STAG1: variants seen among roughly 807,000 people sequenced by gnomAD.
The protein encoded by STAG1 is STAG1 cohesin complex component.
In STAG1, 26 loss-of-function variants were observed where a neutral mutation model predicts 170.9. The observed-to-expected ratio is 0.15, with a 90% CI of 0.11 to 0.21. The LOEUF is 0.21. Ranked by LOEUF, STAG1 falls within the 10% of genes least tolerant of loss-of-function variation. The pLI is 1.00. For missense variants in STAG1, 964 were observed against 1,509.5 expected (o/e 0.64, Z 5.99); for synonymous variants, 514 against 497.7 (o/e 1.03, Z -0.44).
intron 1 of STAG1, among the ~76,000 whole-genome samples, chr3:136,751,466 T>C (rs1029161977): frequency 2.0e-5 from 3 of 151,578 alleles, no homozygotes; most frequent in African/African-American, 7.3e-5. Context: ...ATTGGCCTCG[T>C]CTCTCAGGGG....
intron 5 of STAG1, among the ~76,000 whole-genome samples, chr3:136,555,458 C>G (rs1241058216): frequency 6.6e-6 from 1 of 151,946 alleles, no homozygotes; most frequent in Non-Finnish European, 1.5e-5. Context: ...CTAAGGCAAG[C>G]AGATCACTGG....
chr3:136,630,253 A>ATC (rs1324071211), intron 2 of STAG1, among the ~76,000 whole-genome samples: 1 of 152,108 alleles, frequency 6.6e-6, no homozygotes, highest in Non-Finnish European at 1.5e-5. Context: ...ACTCCAACAA[A>ATC]TCTAATGGGA....
chr3:136,613,138 C>T (rs1939386672), intron 3 of STAG1, among the ~76,000 whole-genome samples: 1 of 151,670 alleles, frequency 6.6e-6, no homozygotes, highest in South Asian at 2.1e-4. Context: ...CTGTCCCTTA[C>T]TAAAAATACA....
intron 22 of STAG1, among the ~76,000 whole-genome samples, chr3:136,378,174 G>A (rs1937712683): frequency 6.6e-6 from 1 of 152,092 alleles, no homozygotes; most frequent in East Asian, 1.9e-4. Flanking sequence ...AAATGTCAGG[G>A]GAAGAAAGAT....
At chr3:136,377,613 T>C (rs747666882) in intron 23 of STAG1, 47 bp downstream of exon 23, 5 of 1,456,504 alleles carry the variant, frequency 3.4e-6, no homozygotes, top group South Asian at 2.3e-5. Context: ...TGTTCATTAA[T>C]GTATTTGAGT....
chr3:136,569,155 C>G (rs962881176), intron 4 of STAG1, among the ~76,000 whole-genome samples: 10 of 151,828 alleles, frequency 6.6e-5, no homozygotes, highest in African/African-American at 2.4e-4. Context: ...AATATTCAAA[C>G]CATATTAAGA....
intron 1 of STAG1, among the ~76,000 whole-genome samples, chr3:136,692,313 CA>C (rs71157399): frequency 1.5e-3 from 70 of 46,222 alleles, no homozygotes; most frequent in Middle Eastern, 0.017. Context: ...GACTCCATCT[CA>C]AAAAAAAAAA....
chr3:136,704,413 A>G (rs1943168307), intron 1 of STAG1, among the ~76,000 whole-genome samples: 2 of 152,172 alleles, frequency 1.3e-5, no homozygotes, highest in South Asian at 4.1e-4. Context: ...CCTCAAAGAC[A>G]CATATAACTT....
intron 1 of STAG1, among the ~76,000 whole-genome samples, chr3:136,744,698 CAG>C (rs1398983581): frequency 2.6e-5 from 3 of 116,798 alleles, no homozygotes; most frequent in Non-Finnish European, 3.4e-5. Context: ...TTTTTTGAGA[CAG>C]AGTCTCACTC....
chr3:136,342,545 G>A (rs560795349), intron 30 of STAG1, among the ~76,000 whole-genome samples: 2 of 152,178 alleles, frequency 1.3e-5, no homozygotes, highest in African/African-American at 4.8e-5. Flanking sequence ...GCAGTGGCGC[G>A]ATTTTGGCTC....
chr3:136,498,210 T>A (rs1202773356), intron 9 of STAG1, among the ~76,000 whole-genome samples: 23 of 50,814 alleles, frequency 4.5e-4, no homozygotes, highest in Admixed American at 5.7e-4. Context: ...AAAAAAAAAA[T>A]TATATATATA....
intron 14 of STAG1, among the ~76,000 whole-genome samples, chr3:136,444,989 T>C (rs892944562): frequency 1.3e-5 from 2 of 150,914 alleles, no homozygotes; most frequent in African/African-American, 2.4e-5. Flanking sequence ...GCCCCTGGAG[T>C]AGCTGGGACT....
Position 136,626,445 on chromosome 3 carries a change from AAAAC to A in STAG1, c.30-3201_30-3198del, listed in dbSNP as rs869113974. 1.7e-4 allele frequency among the ~76,000 whole-genome samples: 26 copies of A among 152,154 alleles called. 1 individual carries two copies. The highest frequency in any genetic ancestry group is 6.0e-4 in the African/African-American group (25 of 41,536). On this transcript the variant is annotated intron_variant, in intron 2 of 33. Transcript: ENST00000383202. ...ATCTCAAAAAAAAAAAAAAACCAAA[AAAAC>A]AAAAAACCATACAGTATATATTTTA... is the stretch of plus-strand genomic sequence containing the variant.
At chr3:136,719,423 G>A (rs1220131219) in intron 1 of STAG1, among the ~76,000 whole-genome samples, 1 of 151,940 alleles carries the variant, frequency 6.6e-6, no homozygotes, top group Non-Finnish European at 1.5e-5. Flanking sequence ...CTGAAATTAG[G>A]TAGTGTTGGC....
chr3:136,351,440 A>C (rs145575160), intron 28 of STAG1, among the ~76,000 whole-genome samples: 18 of 152,336 alleles, frequency 1.2e-4, no homozygotes, highest in Admixed American at 8.5e-4. Context: ...ATAAAAAATA[A>C]AAGTGCTGGG....
chr3:136,676,982 G>T (rs975316941), intron 1 of STAG1, among the ~76,000 whole-genome samples: 18 of 152,018 alleles, frequency 1.2e-4, no homozygotes, highest in Admixed American at 3.9e-4. Flanking sequence ...TGTCCCACTG[G>T]AAATTCTTCA....
At chr3:136,418,520 A>T (rs1370044537) in intron 20 of STAG1, among the ~76,000 whole-genome samples, 1 of 151,736 alleles carries the variant, frequency 6.6e-6, no homozygotes, top group African/African-American at 2.4e-5. Context: ...CTATGAATTT[A>T]TTAAAGAAAT....
intron 3 of STAG1, among the ~76,000 whole-genome samples, chr3:136,610,472 G>A (rs1440083574): frequency 6.6e-6 from 1 of 152,128 alleles, no homozygotes; most frequent in Non-Finnish European, 1.5e-5. Flanking sequence ...TTAATGTGCT[G>A]TGAAAGACTG....
rs149577146 is a variant in STAG1 at position 136,364,792 on chromosome 3, T to C, written c.2686-1325A>G. Among the ~76,000 whole-genome samples the C allele has an allele frequency of 2.4e-3, 369 of 152,296 alleles. 3 individuals are homozygous for C. Among genetic ancestry groups the C allele is most frequent in the African/African-American group, 8.5e-3 (353 of 41,556 alleles). On this transcript the variant is annotated intron_variant, in intron 25 of 33. Transcript: ENST00000383202. ...TTTCCAAGCTAAAGTCTACAGCCTA[T>C]GTGAAGAAGTGATTAATAATAGTTT...
Sources: gnomAD v4.1 joint callset for allele counts (sites outside exome capture counted in the v4.1 genomes callset) on GRCh38, gnomAD v4.1.1 for gene constraint, MANE v1.5 for transcripts, NCBI Gene and HGNC (gene_info 2026-07-23, HGNC 2026-07-21) for gene names.